MYOM2: variants seen among roughly 807,000 people sequenced by gnomAD.
The protein encoded by MYOM2 is myomesin 2.
In MYOM2, 254 loss-of-function variants were observed where a neutral mutation model predicts 187.6. The observed-to-expected ratio is 1.35, with a 90% CI of 1.22 to 1.50. The LOEUF is 1.50. Ranked by LOEUF, MYOM2 falls within the 40% of genes most tolerant of loss-of-function variation. The pLI is 0.00. For missense variants in MYOM2, 2,796 were observed against 1,924.0 expected (o/e 1.45, Z -8.48); for synonymous variants, 981 against 753.8 (o/e 1.30, Z -4.94).
chr8:2,086,066 TGTGGCCCCCTACTGTCGTGATCTCTGC>T lies in MYOM2; in HGVS notation c.1644+686_1644+712del, dbSNP rs1393536130. Among the ~76,000 whole-genome samples, 2 of 438 alleles carry T rather than the reference TGTGGCCCCCTACTGTCGTGATCTCTGC, an allele frequency of 4.6e-3. 1 individual carries two copies. Among genetic ancestry groups the T allele is most frequent in the Non-Finnish European group, 6.9e-3 (2 of 288 alleles). The allele number at this position is 438 out of a possible 152,430, so 0.3% of individuals were successfully genotyped here. A position where few individuals can be genotyped will look rare whatever the true frequency, so the allele number is the denominator to read the frequency against. ...TGGCCCCCCACAGTCGTGATCTCTT[TGTGGCCCCCTACTGTCGTGATCTCTGC>T]GTGGCCCCCCACTGTTGTGATCTCT... is the stretch of plus-strand genomic sequence containing the variant. On this transcript the variant is annotated intron_variant, in intron 14 of 36. Coordinates refer to ENST00000262113, the MANE Select transcript of MYOM2 (RefSeq NM_003970.4).
intron 19 of MYOM2, among the ~76,000 whole-genome samples, chr8:2,099,504 C>T (rs1339868434): frequency 6.6e-6 from 1 of 152,004 alleles, no homozygotes. Flanking sequence ...TCCTGCTGTC[C>T]TCTCAGGCCA....
intron 32 of MYOM2, among the ~76,000 whole-genome samples, chr8:2,132,801 A>G (rs1797921925): frequency 6.6e-6 from 1 of 152,224 alleles, no homozygotes; most frequent in Non-Finnish European, 1.5e-5. Context: ...GAGATTTCAC[A>G]CGCAGAGTCT....
intron 1 of MYOM2, among the ~76,000 whole-genome samples, chr8:2,048,215 G>A (rs910080563): frequency 6.6e-6 from 1 of 152,212 alleles, no homozygotes; most frequent in African/African-American, 2.4e-5. Flanking sequence ...GTCTGCTGGA[G>A]TGGAATTGCC....
intron 10 of MYOM2, among the ~76,000 whole-genome samples, chr8:2,074,721 T>G (rs1175407724): frequency 6.6e-6 from 1 of 152,128 alleles, no homozygotes. Context: ...GCCTCCCAAG[T>G]GTTGGGATTA....
At position 2,123,260 on chromosome 8, in the gene MYOM2, C is replaced by A; in HGVS notation, c.3462C>A (p.Asn1154Lys). The change falls in exon 29 of 37, where the codon AAC becomes AAA. Residue 1154 changes from asparagine to lysine, a missense_variant. Asn to Lys is a moderately conservative substitution (Grantham distance 94, BLOSUM62 0). Coordinates refer to ENST00000262113, the MANE Select transcript of MYOM2 (RefSeq NM_003970.4). ...CEVRLVCKVA[N>K]TKKETVFKWL... is the part of the protein sequence containing the mutation. ...AGCTTTCTACCTCACAGGTTGCAAACACCAAGAAAGAAACCGTTTTCAAAT... is the reference window on the plus strand; with the variant it reads ...AGCTTTCTACCTCACAGGTTGCAAAAACCAAGAAAGAAACCGTTTTCAAAT... 1 of 1,611,386 alleles carries A rather than the reference C, an allele frequency of 6.2e-7. No individual in the cohort carries two copies. Among genetic ancestry groups the A allele is most frequent in the Non-Finnish European group, 8.5e-7 (1 of 1,178,950 alleles).
rs796115709 is a variant in MYOM2 at position 2,086,037 on chromosome 8, T to C, written c.1644+647T>C. On this transcript the variant is annotated intron_variant, in intron 14 of 36. Transcript: ENST00000262113. ...TGTGGCCCCCCACTGTCGTGATCTC[T>C]GCGTGGCCCCCCACAGTCGTGATCT... 9.1e-4 allele frequency among the ~76,000 whole-genome samples: 2 copies of C among 2,198 alleles called. 1 individual carries two copies. Among genetic ancestry groups the C allele is most frequent in the African/African-American group, 0.012 (2 of 172 alleles). The allele number at this position is 2,198 out of a possible 152,430, so 1.4% of individuals were successfully genotyped here.
intron 18 of MYOM2, among the ~76,000 whole-genome samples, chr8:2,096,822 G>A (rs1796505546): frequency 6.6e-6 from 1 of 152,172 alleles, no homozygotes; most frequent in Non-Finnish European, 1.5e-5. Context: ...AGAGAGTAAT[G>A]TTGGCTCTCT....
chr8:2,061,299 T>C (rs1818844604), intron 6 of MYOM2, among the ~76,000 whole-genome samples: 1 of 152,016 alleles, frequency 6.6e-6, no homozygotes, highest in Admixed American at 6.5e-5. Context: ...CAGCCCAGTG[T>C]TTAGTGAGGG....
At chr8:2,105,892 G>C (rs1796871139) in intron 21 of MYOM2, among the ~76,000 whole-genome samples, 1 of 152,184 alleles carries the variant, frequency 6.6e-6, no homozygotes, top group Non-Finnish European at 1.5e-5. Context: ...ATAAAGAAAA[G>C]AGGTTTAATT....
At chr8:2,123,689 C>T (rs754456900) in intron 30 of MYOM2, 47 bp downstream of exon 30, 16 of 1,516,812 alleles carry the variant, frequency 1.1e-5, no homozygotes, top group Non-Finnish European at 1.4e-5. Context: ...TTCCTTTCAC[C>T]AACAGGATGG....
At chr8:2,091,264 G>A (rs769607990) in intron 15 of MYOM2, among the ~76,000 whole-genome samples, 2 of 151,830 alleles carry the variant, frequency 1.3e-5, no homozygotes, top group South Asian at 2.1e-4. Flanking sequence ...GGCCAGTCTC[G>A]AACTCCTGAA....
intron 32 of MYOM2, among the ~76,000 whole-genome samples, chr8:2,138,137 G>A (rs577455548): frequency 5.9e-5 from 9 of 152,330 alleles, no homozygotes; most frequent in African/African-American, 1.9e-4. Flanking sequence ...AGGACGGCTG[G>A]TGTGGCCACT....
intron 32 of MYOM2, among the ~76,000 whole-genome samples, chr8:2,139,599 C>G (rs1048804477): frequency 6.6e-6 from 1 of 152,174 alleles, no homozygotes; most frequent in African/African-American, 2.4e-5. Flanking sequence ...GCCACAAGCA[C>G]CACAGCTGGC....
chr8:2,090,506 T>C (rs1305147293), intron 15 of MYOM2, among the ~76,000 whole-genome samples: 1 of 152,212 alleles, frequency 6.6e-6, no homozygotes, highest in Non-Finnish European at 1.5e-5. Flanking sequence ...GGTCCATGTG[T>C]AGGCTTCTTA....
intron 23 of MYOM2, among the ~76,000 whole-genome samples, chr8:2,107,955 C>G (rs1170715423): frequency 6.6e-6 from 1 of 152,210 alleles, no homozygotes; most frequent in Non-Finnish European, 1.5e-5. Context: ...TGAGGTAAAA[C>G]TTTGCAGTTG....
At chr8:2,140,317 C>T (rs1370017142) in intron 32 of MYOM2, among the ~76,000 whole-genome samples, 1 of 151,974 alleles carries the variant, frequency 6.6e-6, no homozygotes, top group Non-Finnish European at 1.5e-5. Flanking sequence ...CCGGGGCGGT[C>T]GTGAACGATA....
At chr8:2,065,622 T>A (rs772906272) in intron 6 of MYOM2, among the ~76,000 whole-genome samples, 1 of 152,198 alleles carries the variant, frequency 6.6e-6, no homozygotes, top group Non-Finnish European at 1.5e-5. Context: ...TTCTTATTTC[T>A]TCTTATTGCC....
intron 14 of MYOM2, among the ~76,000 whole-genome samples, chr8:2,089,169 A>G (rs567039760): frequency 6.6e-6 from 1 of 151,486 alleles, no homozygotes; most frequent in Admixed American, 6.6e-5. Flanking sequence ...ACTACCACAA[A>G]ACTACTTTCG....
intron 6 of MYOM2, among the ~76,000 whole-genome samples, chr8:2,059,655 GA>G (rs574591484): frequency 8.0e-4 from 121 of 151,414 alleles, no homozygotes; most frequent in African/African-American, 2.6e-3. Context: ...ACAAATAAAA[GA>G]AAAACAATCA....
Sources: gnomAD v4.1 joint callset for allele counts (sites outside exome capture counted in the v4.1 genomes callset) on GRCh38, gnomAD v4.1.1 for gene constraint, MANE v1.5 for transcripts, NCBI Gene and HGNC (gene_info 2026-07-23, HGNC 2026-07-21) for gene names.